The following SLC2A5 variants were observed in gnomAD, a reference collection of about 807,000 sequenced individuals.
SLC2A5 encodes the protein solute carrier family 2, facilitated glucose transporter member 5.
A neutral mutation model predicts 50.3 loss-of-function variants in SLC2A5; 56 were observed. The observed-to-expected ratio is 1.11, with a 90% CI of 0.90 to 1.39. SLC2A5 has a LOEUF of 1.39. SLC2A5 is among the 40% of genes most tolerant of loss of function. The pLI is 0.00. For synonymous variants in SLC2A5, 269 were observed against 281.9 expected, an observed-to-expected ratio of 0.95 and a Z score of 0.46; for missense variants, 566 against 650.1, an observed-to-expected ratio of 0.87 and a Z score of 1.41.
chr1:9,058,342 C>G, intron 1 of SLC2A5, 92 bp from the exon 2 acceptor site: 1 of 865,828 alleles, frequency 1.2e-6, no homozygotes, highest in South Asian at 1.4e-5. Context: ...GTAACAGAAT[C>G]TGAAGATCCA....
Position 9,082,880 on chromosome 1 carries a change from C to CAAA in SLC2A5, c.-59+2131_-59+2133dup, listed in dbSNP as rs35170455. The CAAA allele has an allele frequency of 4.3e-4, 59 of 137,582 alleles. 1 individual carries two copies. The highest frequency in any genetic ancestry group is 1.5e-3 in the South Asian group (17 of 11,240). 8.5% of individuals were successfully genotyped at this position (137,582 alleles called of 1,614,324 possible). A position where few individuals can be genotyped will look rare whatever the true frequency, so the allele number is the denominator to read the frequency against. On this transcript the variant is annotated intron_variant, in intron 2 of 5. Coordinates refer to the SLC2A5 transcript ENST00000464985. ...ATCATGTATGGTACTGCAAACAGGA[C>CAAA]AAAAAAAAAAAAAAATGCAGATTGG... is the stretch of plus-strand genomic sequence containing the variant.
intron 3 of SLC2A5, chr1:9,048,949 GC>G: frequency 2.9e-6 from 1 of 348,946 alleles, no homozygotes; most frequent in Non-Finnish European, 5.7e-6. Context: ...GAGCCACTGC[GC>G]CCAGCCATTT....
chr1:9,059,345 G>A (rs1434418004), intron 1 of SLC2A5, among the ~76,000 whole-genome samples: 2 of 150,554 alleles, frequency 1.3e-5, no homozygotes, highest in Admixed American at 6.6e-5. Context: ...GGGTTTCACT[G>A]TGTTAGCCAG....
chr1:9,049,705 A>G (rs868218315), intron 3 of SLC2A5, among the ~76,000 whole-genome samples: 1,863 of 14,758 alleles, frequency 0.13, 35 homozygotes, highest in African/African-American at 0.36. Context: ...TGTCTAAAGA[A>G]AAAAAAAAAA....
chr1:9,040,237 G>T lies in SLC2A5; in HGVS notation c.572-48C>A. On this transcript the variant is annotated intron_variant, in intron 5 of 11. Coordinates refer to ENST00000377424, the MANE Select transcript of SLC2A5 (RefSeq NM_003039.3). The surrounding 1 kb of genome is among the most constrained non-coding windows in gnomAD (Gnocchi z 4.3). ...GCACCAGCGGCCTCCCCACCACCCC[G>T]AAGGCGCCCTCTGCAGAGCCGGCCC... is the stretch of plus-strand genomic sequence containing the variant. 1 of 1,531,996 alleles carries T rather than the reference G, an allele frequency of 6.5e-7. No homozygotes were observed. Among genetic ancestry groups the T allele is most frequent in the Non-Finnish European group, 8.7e-7 (1 of 1,143,234 alleles). The allele number at this position is 1,531,996 out of a possible 1,614,324, so 94.9% of individuals were successfully genotyped here.
chr1:9,043,973 C>T (rs779575999), intron 4 of SLC2A5, among the ~76,000 whole-genome samples: 18 of 151,656 alleles, frequency 1.2e-4, no homozygotes, highest in African/African-American at 2.2e-4. Flanking sequence ...CCACCCGCCT[C>T]GGCCTCCCAA....
At chr1:9,055,358 A>G (rs1003185193) in intron 3 of SLC2A5, among the ~76,000 whole-genome samples, 11 of 151,980 alleles carry the variant, frequency 7.2e-5, no homozygotes, top group Non-Finnish European at 1.5e-4. Flanking sequence ...TCTAATAAAG[A>G]TACAAAAAAT....
At chr1:9,055,442 G>A (rs570436962) in intron 3 of SLC2A5, among the ~76,000 whole-genome samples, 6 of 151,582 alleles carry the variant, frequency 4.0e-5, no homozygotes, top group South Asian at 4.2e-4. Flanking sequence ...GTTTGAACCC[G>A]GGAGGCAGAG....
intron 1 of SLC2A5, among the ~76,000 whole-genome samples, chr1:9,063,681 CTTTTT>C (rs70985579): frequency 4.4e-5 from 2 of 45,174 alleles, no homozygotes; most frequent in South Asian, 9.0e-4. Flanking sequence ...CTATTATTTA[CTTTTT>C]TTTTTTTTTT....
At chr1:9,039,723 C>T in intron 7 of SLC2A5, 61 bp from the exon 8 acceptor site, 1 of 1,431,754 alleles carries the variant, frequency 7.0e-7, no homozygotes, top group Non-Finnish European at 9.2e-7. Flanking sequence ...CGCCAGGACC[C>T]ACGCCCGGCG....
At chr1:9,063,854 C>G (rs1297883703) in intron 1 of SLC2A5, among the ~76,000 whole-genome samples, 1 of 143,740 alleles carries the variant, frequency 7.0e-6, no homozygotes, top group Admixed American at 6.9e-5. Flanking sequence ...CGCTACCACG[C>G]CCGGCTAATT....
chr1:9,061,211 C>T (rs150425235), intron 1 of SLC2A5, among the ~76,000 whole-genome samples: 65 of 146,352 alleles, frequency 4.4e-4, no homozygotes, highest in African/African-American at 1.4e-3. Flanking sequence ...GAGCACGGGA[C>T]GCAGAGGTTG....
intron 2 of SLC2A5, among the ~76,000 whole-genome samples, chr1:9,076,506 A>G (rs1467314977): frequency 6.6e-6 from 1 of 152,214 alleles, no homozygotes; most frequent in Non-Finnish European, 1.5e-5. Flanking sequence ...CATGTTCTTT[A>G]GGAACAGGTA....
intron 3 of SLC2A5, 39 bp downstream of exon 3, chr1:9,057,409 C>G: frequency 6.5e-7 from 1 of 1,529,254 alleles, no homozygotes; most frequent in Non-Finnish European, 8.9e-7. Context: ...TGATGGGGGT[C>G]TATGAGTTTC....
In SLC2A5 at chr1:9,041,839, C is replaced by T; in HGVS notation, c.517G>A (p.Gly173Ser). 6.2e-7 allele frequency: 1 copy of T among 1,614,008 alleles called. No homozygotes were observed. The highest frequency in any genetic ancestry group is 1.1e-5 in the South Asian group (1 of 91,074). Residue 173 changes from glycine to serine, a missense_variant, in exon 5 of 12, where the codon GGC (glycine) becomes AGC (serine). Coordinates refer to ENST00000377424, the MANE Select transcript of SLC2A5 (RefSeq NM_003039.3). ...CCAAAGATCTGGGCCACAAGGATGC[C>T]AACAGTGATGAAGAGCTGGGGCACC... Reference protein sequence around the residue: ...GVVPQLFITVGILVAQIFGLR... With the variant: ...GVVPQLFITVSILVAQIFGLR...
intron 2 of SLC2A5, among the ~76,000 whole-genome samples, chr1:9,084,149 A>T (rs150177880): frequency 0.026 from 3,954 of 152,248 alleles, 97 homozygotes; most frequent in South Asian, 0.063. Context: ...CTCAAAAAAA[A>T]AAAAATAATA....
At chr1:9,057,636 A>C in intron 2 of SLC2A5, 28 bp from the exon 3 acceptor site, 2 of 1,600,896 alleles carry the variant, frequency 1.2e-6, no homozygotes, top group Non-Finnish European at 1.7e-6. Context: ...ACAGAACACC[A>C]AAATAATTTG....
chr1:9,037,923 C>T lies in SLC2A5; in HGVS notation c.1276G>A (p.Val426Met), dbSNP rs201668362. Residue 426 changes from valine to methionine, a missense_variant, in exon 11 of 12, where the codon GTG (valine) becomes ATG (methionine). By Grantham distance (21) the Val-to-Met change is conservative (BLOSUM62 1). Coordinates refer to ENST00000377424, the MANE Select transcript of SLC2A5 (RefSeq NM_003039.3). ...GSVHWLSNFT[V>M]GLIFPFIQEG... ...TGGATGAACGGGAAGATCAAGCCCA[C>T]GGTGAAGTTGGAGAGCCAGTGCACA... is the stretch of plus-strand genomic sequence containing the variant. The T allele has an allele frequency of 6.3e-5, 102 of 1,613,938 alleles. No homozygotes were observed. The highest frequency in any genetic ancestry group is 7.8e-5 in the Non-Finnish European group (92 of 1,180,026).
chr1:9,041,268 C>T, intron 5 of SLC2A5: 1 of 403,260 alleles, frequency 2.5e-6, no homozygotes, highest in Middle Eastern at 6.3e-4. Flanking sequence ...CATGCCAGGC[C>T]CCAGGCTGTC....
Sources: allele counts gnomAD v4.1 joint callset (sites outside exome capture counted in the v4.1 genomes callset), GRCh38; gene constraint gnomAD v4.1.1; non-coding constraint Gnocchi (gnomAD v3.1); transcripts MANE v1.5; gene names NCBI Gene and HGNC (gene_info 2026-07-23, HGNC 2026-07-21).